Variants in PSEN1 observed in about 807,000 individuals in gnomAD.
PSEN1 encodes presenilin 1.
A neutral mutation model predicts 53.5 loss-of-function variants in PSEN1; 15 were observed. That is an observed-to-expected ratio of 0.28 (90% confidence interval 0.19 to 0.43). PSEN1 has a LOEUF of 0.43. Among genes scored for constraint, PSEN1 ranks in the 20% least tolerant of loss-of-function variants. PSEN1 has a pLI of 1.00. For missense variants in PSEN1, 387 were observed against 571.2 expected, an observed-to-expected ratio of 0.68 and a Z score of 3.29; for synonymous variants, 208 against 209.8, an observed-to-expected ratio of 0.99 and a Z score of 0.08.
chr14:73,162,925 C>T (rs1566625353), intron 3 of PSEN1, among the ~76,000 whole-genome samples: 1 of 152,086 alleles, frequency 6.6e-6, no homozygotes, highest in East Asian at 1.9e-4. Flanking sequence ...CCTTTTAATA[C>T]TTTCTTTGAG....
chr14:73,219,060 C>T lies in PSEN1; in HGVS notation c.1249-74C>T. On this transcript the variant is annotated intron_variant, in intron 11 of 11. Coordinates refer to ENST00000324501, the MANE Select transcript of PSEN1 (RefSeq NM_000021.4). ...CAGTTAACTATGTTAAAAACCAAGA[C>T]TTGTGATTGAGTTTTGCCTGAAAAT... 6 of 1,498,510 alleles carry T rather than the reference C, an allele frequency of 4.0e-6. No individual in the cohort carries two copies. The South Asian group carries it at 6.8e-5, about 17-fold the overall frequency. 92.8% of individuals were successfully genotyped at this position (1,498,510 alleles called of 1,614,324 possible).
chr14:73,146,750 T>C (rs556537775), intron 1 of PSEN1, among the ~76,000 whole-genome samples: 1 of 152,270 alleles, frequency 6.6e-6, no homozygotes, highest in East Asian at 1.9e-4. Context: ...ATGTTAAAAG[T>C]GAAAATGAAA....
At chr14:73,139,846 G>A (rs541936634) in intron 1 of PSEN1, among the ~76,000 whole-genome samples, 84 of 152,238 alleles carry the variant, frequency 5.5e-4, no homozygotes, top group South Asian at 1.5e-3. Context: ...ACTCTTGCTT[G>A]GATGAGAGTG....
chr14:73,171,374 A>C (rs897031734), intron 4 of PSEN1, among the ~76,000 whole-genome samples: 3 of 152,124 alleles, frequency 2.0e-5, no homozygotes, highest in African/African-American at 7.2e-5. Flanking sequence ...TCCTTTTCTA[A>C]CTTTGGTGGA....
In PSEN1 at chr14:73,221,474, T is replaced by TCC. The variant is rs1900116784; in HGVS notation, c.*2186_*2187dup. 2.0e-5 allele frequency: 3 copies of TCC among 152,204 alleles called. No individual in the cohort carries two copies. The South Asian group carries it at 6.2e-4, about 32-fold the overall frequency. 9.4% of individuals were successfully genotyped at this position (152,204 alleles called of 1,614,324 possible). ...CGTGGGGTGTGTGTATTTAAATCCA[T>TCC]CCTATGTATTACTGATTGTCCTGTG... On this transcript the variant is annotated 3_prime_UTR_variant, in exon 12 of 12. Coordinates refer to ENST00000324501, the MANE Select transcript of PSEN1 (RefSeq NM_000021.4).
intron 10 of PSEN1, among the ~76,000 whole-genome samples, chr14:73,215,190 A>G (rs907369848): frequency 1.3e-5 from 2 of 151,554 alleles, no homozygotes; most frequent in Admixed American, 6.6e-5. Context: ...TGAACTCCTG[A>G]CCTCAAGTGA....
intron 3 of PSEN1, among the ~76,000 whole-genome samples, chr14:73,156,349 C>G (rs775607010): frequency 1.3e-5 from 2 of 150,972 alleles, no homozygotes; most frequent in African/African-American, 4.9e-5. Context: ...CAGCCAGACT[C>G]GGTCTCAAAA....
chr14:73,146,444 G>A (rs1897073897), intron 1 of PSEN1, among the ~76,000 whole-genome samples: 1 of 152,022 alleles, frequency 6.6e-6, no homozygotes, highest in South Asian at 2.1e-4. Flanking sequence ...TATTTTTTAA[G>A]CAAATTTGCA....
chr14:73,182,910 G>A (rs748469097), intron 5 of PSEN1, among the ~76,000 whole-genome samples: 5 of 152,018 alleles, frequency 3.3e-5, no homozygotes, highest in African/African-American at 7.2e-5. Flanking sequence ...CCAAAAAACC[G>A]AGGTGAAAAG....
At chr14:73,180,015 C>CA (rs36008515) in intron 5 of PSEN1, among the ~76,000 whole-genome samples, 14,088 of 151,798 alleles carry the variant, frequency 0.093, 762 homozygotes, top group South Asian at 0.19. Context: ...GACGGAGTCT[C>CA]AGTCTCTCGC....
chr14:73,173,447 A>G (rs920138681), intron 4 of PSEN1, 119 bp from the exon 5 acceptor site: 1 of 1,033,042 alleles, frequency 9.7e-7, no homozygotes, highest in African/African-American at 1.6e-5. Flanking sequence ...AGTTGGGGAA[A>G]AGTGACTTAT....
chr14:73,147,238 C>A (rs1897099214), intron 1 of PSEN1, among the ~76,000 whole-genome samples: 1 of 152,146 alleles, frequency 6.6e-6, no homozygotes, highest in Non-Finnish European at 1.5e-5. Flanking sequence ...CCCGCCTTGG[C>A]CTCCCAAAGT....
chr14:73,170,482 A>C (rs976367521), intron 3 of PSEN1, among the ~76,000 whole-genome samples: 2 of 152,254 alleles, frequency 1.3e-5, no homozygotes, highest in African/African-American at 4.8e-5. Context: ...TTGGAGCTGC[A>C]GCCAGTAAAC....
chr14:73,200,109 A>G (rs1899117002), intron 8 of PSEN1, among the ~76,000 whole-genome samples: 1 of 152,160 alleles, frequency 6.6e-6, no homozygotes, highest in South Asian at 2.1e-4. Context: ...CTGAGAGAGA[A>G]AGAGATCTAA....
At chr14:73,184,865 C>T (rs1222556764) in intron 5 of PSEN1, among the ~76,000 whole-genome samples, 24 of 148,870 alleles carry the variant, frequency 1.6e-4, no homozygotes, top group Middle Eastern at 3.6e-3. Context: ...GGCTGCCGGG[C>T]GGAGGGGCTC....
In PSEN1 at chr14:73,197,575, A is replaced by AG. The variant is rs1235213306; in HGVS notation, c.770-455dup. On this transcript the variant is annotated intron_variant, in intron 7 of 11. Coordinates refer to ENST00000324501, the MANE Select transcript of PSEN1 (RefSeq NM_000021.4). ...CTGCTCTTCATATTTTGAAAAGTTC[A>AG]GTCAAATCCCCTTTATTAAATTCAT... 11 of 173,646 alleles carry AG rather than the reference A, an allele frequency of 6.3e-5. No individual in the cohort carries two copies. The South Asian group carries it at 1.1e-3, about 17-fold the overall frequency. 10.8% of individuals were successfully genotyped at this position (173,646 alleles called of 1,614,324 possible).
intron 1 of PSEN1, among the ~76,000 whole-genome samples, chr14:73,141,819 G>A (rs1336980861): frequency 6.6e-6 from 1 of 151,850 alleles, no homozygotes; most frequent in Non-Finnish European, 1.5e-5. Flanking sequence ...TGTAATCCCA[G>A]CACTTTGGGA....
At chr14:73,156,493 A>T (rs369654241) in intron 3 of PSEN1, among the ~76,000 whole-genome samples, 19 of 152,240 alleles carry the variant, frequency 1.2e-4, no homozygotes, top group African/African-American at 4.3e-4. Flanking sequence ...GAAGGAAATG[A>T]TATATCTAAG....
chr14:73,217,334 A>G, intron 11 of PSEN1, 90 bp downstream of exon 11: 1 of 1,458,634 alleles, frequency 6.9e-7, no homozygotes, highest in South Asian at 1.1e-5. Context: ...TTTTAACCCC[A>G]GGTGGGTTAA....
Sources: allele counts gnomAD v4.1 joint callset (sites outside exome capture counted in the v4.1 genomes callset), GRCh38; gene constraint gnomAD v4.1.1; transcripts MANE v1.5; gene names NCBI Gene and HGNC (gene_info 2026-07-23, HGNC 2026-07-21).